SCFD2: variants seen among roughly 807,000 people sequenced by gnomAD.
SCFD2 encodes sec1 family domain containing 2.
A neutral mutation model predicts 58.9 loss-of-function variants in SCFD2; 54 were observed. The observed-to-expected ratio is 0.92, with a 90% CI of 0.74 to 1.15. SCFD2 has a LOEUF of 1.15. Among genes scored for constraint, SCFD2 ranks in the 50% most tolerant of loss-of-function variants. SCFD2 has a pLI of 0.00. For missense variants in SCFD2, 805 were observed against 836.6 expected, an observed-to-expected ratio of 0.96 and a Z score of 0.47; for synonymous variants, 321 against 335.9, an observed-to-expected ratio of 0.96 and a Z score of 0.49.
At chr4:53,288,811 A>AGAGG (rs1731749415) in intron 3 of SCFD2, among the ~76,000 whole-genome samples, 1 of 152,264 alleles carries the variant, frequency 6.6e-6, no homozygotes, top group African/African-American at 2.4e-5. Flanking sequence ...ATATCAAAGT[A>AGAGG]TAAAACTCAC....
chr4:52,977,615 T>TA (rs981035811), intron 5 of SCFD2, among the ~76,000 whole-genome samples: 11 of 152,280 alleles, frequency 7.2e-5, no homozygotes, highest in African/African-American at 2.6e-4. Context: ...TCTATTCAGT[T>TA]AAAAATGGAA....
intron 5 of SCFD2, among the ~76,000 whole-genome samples, chr4:53,084,018 T>C (rs1370658425): frequency 6.6e-6 from 1 of 152,118 alleles, no homozygotes; most frequent in Non-Finnish European, 1.5e-5. Flanking sequence ...GAGGTGCACA[T>C]ATTGTCTTGA....
At chr4:53,302,832 C>G (rs199518724) in intron 3 of SCFD2, among the ~76,000 whole-genome samples, 4 of 152,074 alleles carry the variant, frequency 2.6e-5, no homozygotes, top group African/African-American at 4.8e-5. Context: ...ACAAACCTGA[C>G]AAAAACAAGC....
intron 4 of SCFD2, among the ~76,000 whole-genome samples, chr4:53,271,190 C>T (rs1382772435): frequency 1.3e-5 from 2 of 151,990 alleles, no homozygotes; most frequent in Non-Finnish European, 2.9e-5. Flanking sequence ...TTGAGCCTTA[C>T]CTGCTTCAAT....
At chr4:53,218,309 T>C (rs1728925272) in intron 4 of SCFD2, among the ~76,000 whole-genome samples, 1 of 152,188 alleles carries the variant, frequency 6.6e-6, no homozygotes, top group African/African-American at 2.4e-5. Context: ...TCTTTTCACA[T>C]GTCCCATATT....
At chr4:53,041,411 G>A (rs926883682) in intron 5 of SCFD2, among the ~76,000 whole-genome samples, 1 of 152,164 alleles carries the variant, frequency 6.6e-6, no homozygotes, top group African/African-American at 2.4e-5. Context: ...GTGGAGCTAA[G>A]TTCCTCTAAC....
chr4:53,285,407 TC>T (rs1577930926), intron 3 of SCFD2, among the ~76,000 whole-genome samples: 2 of 152,006 alleles, frequency 1.3e-5, no homozygotes, highest in East Asian at 3.9e-4. Context: ...CTAAATAAAT[TC>T]CCACCTACAG....
intron 4 of SCFD2, among the ~76,000 whole-genome samples, chr4:53,195,114 G>A (rs1419073373): frequency 6.6e-6 from 1 of 152,130 alleles, no homozygotes; most frequent in Non-Finnish European, 1.5e-5. Context: ...GCTCTGCCAC[G>A]GCCAGTAGTG....
At position 53,365,836 on chromosome 4, in the gene SCFD2, G is replaced by A. The variant is rs1436950746; in HGVS notation, c.106C>T (p.Leu36=). The A allele has an allele frequency of 3.1e-6, 5 of 1,613,760 alleles. No homozygotes were observed. The Admixed American group carries it at 5.0e-5, about 16-fold the overall frequency. ...VYLDAACAES[L]HWGCGSTRLL... ...CGGGTGGATCCGCAGCCCCAGTGCA[G>A]GCTCTCGGCGCAGGCGGCGTCCAGG... Residue 36 remains leucine (L), a synonymous_variant, in exon 1 of 9, where the codon CTG becomes TTG. Transcript: ENST00000401642. The surrounding 1 kb of genome is among the most constrained non-coding windows in gnomAD (Gnocchi z 4.3).
At chr4:52,917,672 C>T (rs899438659) in intron 6 of SCFD2, among the ~76,000 whole-genome samples, 2 of 152,176 alleles carry the variant, frequency 1.3e-5, no homozygotes, top group Admixed American at 6.5e-5. Context: ...TCCTGGCTGC[C>T]CTGGAGGGCC....
chr4:53,057,021 A>G (rs1723361353), intron 5 of SCFD2, among the ~76,000 whole-genome samples: 1 of 151,982 alleles, frequency 6.6e-6, no homozygotes, highest in Non-Finnish European at 1.5e-5. Context: ...CGTCTCTAAT[A>G]AAAAAATACA....
intron 5 of SCFD2, among the ~76,000 whole-genome samples, chr4:53,051,085 T>G (rs1723180360): frequency 6.6e-6 from 1 of 152,206 alleles, no homozygotes; most frequent in East Asian, 1.9e-4. Flanking sequence ...GCAAGTTCCA[T>G]GAGGGCAGAG....
At chr4:53,025,787 A>G (rs1722461405) in intron 5 of SCFD2, among the ~76,000 whole-genome samples, 1 of 152,214 alleles carries the variant, frequency 6.6e-6, no homozygotes, top group Non-Finnish European at 1.5e-5. Context: ...CACAACATTT[A>G]TTTAACTGGA....
chr4:52,883,287 C>T (rs1430345403), intron 8 of SCFD2, among the ~76,000 whole-genome samples: 1 of 152,198 alleles, frequency 6.6e-6, no homozygotes, highest in African/African-American at 2.4e-5. Context: ...AGACCCGCCA[C>T]AGCATGTGTC....
At chr4:52,965,527 T>G (rs1302742701) in intron 5 of SCFD2, among the ~76,000 whole-genome samples, 1 of 152,238 alleles carries the variant, frequency 6.6e-6, no homozygotes, top group Non-Finnish European at 1.5e-5. Flanking sequence ...GCATGCCCAA[T>G]TTCCACAGCA....
intron 5 of SCFD2, among the ~76,000 whole-genome samples, chr4:53,077,781 G>A (rs967859883): frequency 6.6e-6 from 1 of 152,104 alleles, no homozygotes; most frequent in African/African-American, 2.4e-5. Flanking sequence ...ACATTTATTA[G>A]GTCATCTTGT....
At chr4:53,010,670 G>C (rs1438740362) in intron 5 of SCFD2, among the ~76,000 whole-genome samples, 1 of 152,204 alleles carries the variant, frequency 6.6e-6, no homozygotes, top group Non-Finnish European at 1.5e-5. Flanking sequence ...GGATGAATAA[G>C]TGAACAAAGA....
intron 3 of SCFD2, among the ~76,000 whole-genome samples, chr4:53,308,135 C>T (rs1257655054): frequency 6.6e-6 from 1 of 152,142 alleles, no homozygotes; most frequent in African/African-American, 2.4e-5. Flanking sequence ...TTTTCCTTGC[C>T]TGTGAAATGG....
intron 5 of SCFD2, among the ~76,000 whole-genome samples, chr4:53,046,992 T>C (rs1723057901): frequency 6.6e-6 from 1 of 152,320 alleles, no homozygotes; most frequent in Middle Eastern, 3.4e-3. Context: ...GTTTTTGTGA[T>C]GTGTGTAGTA....
Sources: gnomAD v4.1 joint callset for allele counts (sites outside exome capture counted in the v4.1 genomes callset) on GRCh38, gnomAD v4.1.1 for gene constraint, Gnocchi (gnomAD v3.1) non-coding constraint, MANE v1.5 for transcripts, NCBI Gene and HGNC (gene_info 2026-07-23, HGNC 2026-07-21) for gene names.